The following NETO1 variants were observed in gnomAD, a reference collection of about 807,000 sequenced individuals.
The protein encoded by NETO1 is neuropilin and tolloid like 1.
Under a neutral mutation model 61.3 loss-of-function variants are expected in NETO1, and 26 were observed. That is an observed-to-expected ratio of 0.42 (90% CI 0.31 to 0.59). The LOEUF is 0.59. Among genes scored for constraint, NETO1 ranks in the 20% least tolerant of loss-of-function variants. The pLI is 0.12. For missense variants in NETO1, 531 were observed against 662.8 expected (o/e 0.80, Z 2.18); for synonymous variants, 225 against 225.8 (o/e 1.00, Z 0.03).
At chr18:72,820,930 A>G (rs768517172) in intron 4 of NETO1, among the ~76,000 whole-genome samples, 2 of 152,194 alleles carry the variant, frequency 1.3e-5, no homozygotes, top group East Asian at 1.9e-4. Flanking sequence ...GTGTGAACCA[A>G]TTCCTCATAA....
intron 4 of NETO1, among the ~76,000 whole-genome samples, chr18:72,855,687 T>C (rs1247747033): frequency 6.6e-6 from 1 of 152,074 alleles, no homozygotes; most frequent in African/African-American, 2.4e-5. Context: ...AGTCATAGAC[T>C]CAGATACAAA....
intron 4 of NETO1, among the ~76,000 whole-genome samples, chr18:72,839,488 C>G (rs993377007): frequency 6.6e-6 from 1 of 152,186 alleles, no homozygotes; most frequent in African/African-American, 2.4e-5. Context: ...ACAGAAAGTT[C>G]TATGCATCTC....
intron 6 of NETO1, among the ~76,000 whole-genome samples, chr18:72,786,025 G>A (rs985870375): frequency 6.6e-6 from 1 of 152,054 alleles, no homozygotes; most frequent in Admixed American, 6.6e-5. Context: ...ATATATTTTT[G>A]TATTCTAAGC....
At position 72,855,694 on chromosome 18, in the gene NETO1, C is replaced by T. The variant is rs112022370; in HGVS notation, c.469+3132G>A. ...GGAAAGAAAGTCATAGACTCAGATA[C>T]AAAGAAATAGAAAAAAAATTCTGGC... On this transcript the variant is annotated intron_variant, in intron 4 of 10. Coordinates refer to ENST00000327305, the MANE Select transcript of NETO1 (RefSeq NM_138966.5). 1.8e-4 allele frequency among the ~76,000 whole-genome samples: 28 copies of T among 152,044 alleles called. 1 individual carries two copies. The highest frequency in any genetic ancestry group is 6.8e-4 in the African/African-American group (28 of 41,458).
intron 4 of NETO1, among the ~76,000 whole-genome samples, chr18:72,846,534 A>AAAAAAT (rs2074093515): frequency 4.1e-5 from 6 of 146,906 alleles, no homozygotes; most frequent in African/African-American, 7.5e-5. Context: ...AAAAAAAAAA[A>AAAAAAT]GAAGATGCAT....
intron 7 of NETO1, among the ~76,000 whole-genome samples, chr18:72,781,801 T>G (rs986756024): frequency 2.0e-5 from 3 of 152,222 alleles, no homozygotes; most frequent in African/African-American, 7.2e-5. Context: ...AATACAAAAA[T>G]GCATAGTTGT....
intron 7 of NETO1, among the ~76,000 whole-genome samples, chr18:72,767,978 G>C (rs959443120): frequency 2.0e-5 from 3 of 152,168 alleles, no homozygotes; most frequent in Non-Finnish European, 2.9e-5. Flanking sequence ...GTTGCCCTGT[G>C]ATGTTTTCTC....
At chr18:72,794,312 A>G in intron 5 of NETO1, 51 bp downstream of exon 5, 6 of 1,613,680 alleles carry the variant, frequency 3.7e-6, no homozygotes, top group Non-Finnish European at 5.1e-6. Flanking sequence ...AGTGTATTTC[A>G]TAGCAGAAAA....
intron 4 of NETO1, among the ~76,000 whole-genome samples, chr18:72,817,952 T>C (rs767531027): frequency 1.8e-4 from 27 of 152,294 alleles, no homozygotes; most frequent in Middle Eastern, 3.4e-3. Flanking sequence ...AAGCCTGCTA[T>C]AGCCCTGTGA....
chr18:72,750,872 TACACACACACAC>T (rs142668353), intron 8 of NETO1, among the ~76,000 whole-genome samples: 40 of 118,760 alleles, frequency 3.4e-4, no homozygotes, highest in African/African-American at 1.1e-3. Flanking sequence ...CAGCTTAAAA[TACACACACACAC>T]ACACACACAC....
intron 4 of NETO1, among the ~76,000 whole-genome samples, chr18:72,841,687 T>C (rs2073935331): frequency 7.9e-6 from 1 of 127,310 alleles, no homozygotes; most frequent in Non-Finnish European, 1.6e-5. Flanking sequence ...TGAGCTGAGA[T>C]TGTGCCACTG....
In NETO1 at chr18:72,833,673, T is replaced by C. The variant is rs1176970390; in HGVS notation, c.469+25153A>G. On this transcript the variant is annotated intron_variant, in intron 4 of 10. Coordinates refer to ENST00000327305, the MANE Select transcript of NETO1 (RefSeq NM_138966.5). Reference sequence around the variant, plus strand: ...CTCTCCTATTATCTCAGGTTCTCAGTAGTGGGGTGAGAACCAGAAGAGGAT... The same window carrying C: ...CTCTCCTATTATCTCAGGTTCTCAGCAGTGGGGTGAGAACCAGAAGAGGAT... Among the ~76,000 whole-genome samples, 4 of 152,092 alleles carry C rather than the reference T, an allele frequency of 2.6e-5. 1 individual carries two copies. The highest frequency in any genetic ancestry group is 1.3e-4 in the Admixed American group (2 of 15,264).
At chr18:72,854,537 G>A (rs976500488) in intron 4 of NETO1, among the ~76,000 whole-genome samples, 3 of 152,208 alleles carry the variant, frequency 2.0e-5, no homozygotes, top group African/African-American at 7.2e-5. Context: ...CAGGAGCAGA[G>A]CATCTGAATG....
At chr18:72,865,266 G>C in intron 1 of NETO1, 25 bp from the exon 2 acceptor site, 1 of 1,545,034 alleles carries the variant, frequency 6.5e-7, no homozygotes, top group Admixed American at 1.7e-5. Context: ...AAAAATTAGA[G>C]ATAAAATACA....
In NETO1 at chr18:72,798,758, G is replaced by C. The variant is rs147017861; in HGVS notation, c.470-4354C>G. ...AAAAGGGTTAAAGACCCAATGATGAGACAGCAGAAGACCCTAAGATTGCCA... is the reference window on the plus strand; with the variant it reads ...AAAAGGGTTAAAGACCCAATGATGACACAGCAGAAGACCCTAAGATTGCCA... On this transcript the variant is annotated intron_variant, in intron 4 of 10. Coordinates refer to ENST00000327305, the MANE Select transcript of NETO1 (RefSeq NM_138966.5). Among the ~76,000 whole-genome samples the C allele has an allele frequency of 3.1e-3, 471 of 152,252 alleles. 3 individuals carry two copies. The highest frequency in any genetic ancestry group is 0.01 in the Middle Eastern group (3 of 294).
chr18:72,798,765 G>A (rs1278000124), intron 4 of NETO1, among the ~76,000 whole-genome samples: 2 of 152,152 alleles, frequency 1.3e-5, no homozygotes, highest in Admixed American at 1.3e-4. Context: ...TGAGACAGCA[G>A]AAGACCCTAA....
At chr18:72,742,526 G>A (rs1409657138), downstream of NETO1, 1 of 152,158 alleles carries the variant, frequency 6.6e-6, no homozygotes, top group Non-Finnish European at 1.5e-5. Flanking sequence ...ACGCTGTAAG[G>A]TGGAGAGAAG....
chr18:72,792,313 T>C lies in NETO1; in HGVS notation c.639+1804A>G, dbSNP rs1047101288. 4.6e-5 allele frequency among the ~76,000 whole-genome samples: 7 copies of C among 152,086 alleles called. No individual in the cohort carries two copies. In the East Asian group the frequency reaches 1.4e-3, roughly 29 times the overall value. On this transcript the variant is annotated intron_variant, in intron 6 of 10. Transcript: ENST00000327305. ...AGCCAAGTGTGGTGGCACACATCTG[T>C]AATTCCCGAAGCAAGAAAATCGCTT...
chr18:72,813,722 G>A (rs1315915238), intron 4 of NETO1, among the ~76,000 whole-genome samples: 1 of 152,112 alleles, frequency 6.6e-6, no homozygotes, highest in Non-Finnish European at 1.5e-5. Flanking sequence ...GATACCCGAA[G>A]AAATTTCCAG....
Sources: gnomAD v4.1 joint callset for allele counts (sites outside exome capture counted in the v4.1 genomes callset) on GRCh38, gnomAD v4.1.1 for gene constraint, MANE v1.5 for transcripts, NCBI Gene and HGNC (gene_info 2026-07-23, HGNC 2026-07-21) for gene names.